Variants in ANO2 observed in about 807,000 individuals in gnomAD.
The protein encoded by ANO2 is anoctamin-2.
A neutral mutation model predicts 124.2 loss-of-function variants in ANO2; 101 were observed. The observed-to-expected ratio is 0.81, with a 90% confidence interval of 0.69 to 0.96. ANO2 has a LOEUF of 0.96. Ranked by LOEUF, ANO2 falls within the 40% of genes least tolerant of loss-of-function variation. ANO2 has a pLI of 0.00. For missense variants in ANO2, 1,293 were observed against 1,274.5 expected (o/e 1.01, Z -0.22); for synonymous variants, 486 against 482.5 (o/e 1.01, Z -0.09).
rs993595221 is a variant in ANO2, at chr12:5,769,055, C to A, written c.1056-18085G>T. Among the ~76,000 whole-genome samples the A allele has an allele frequency of 1.2e-4, 19 of 152,134 alleles. No homozygotes were observed. Among genetic ancestry groups the A allele is most frequent in the African/African-American group, 4.6e-4 (19 of 41,432 alleles). On this transcript the variant is annotated intron_variant, in intron 10 of 24. Coordinates refer to ENST00000682330, the MANE Select transcript of ANO2 (RefSeq NM_001364791.2). The surrounding 1 kb of genome is among the most constrained non-coding windows in gnomAD (Gnocchi z 4.0). The stretch of plus-strand genomic sequence containing the variant: ...TAGCTTATGTCCTGACAGCTGGAAA[C>A]AACACAGCAAATGGGATGAGAACTG...
At chr12:5,837,596 G>C (rs955352205) in intron 4 of ANO2, among the ~76,000 whole-genome samples, 1 of 150,636 alleles carries the variant, frequency 6.6e-6, no homozygotes, top group Non-Finnish European at 1.5e-5. Flanking sequence ...TTGTTCTTGC[G>C]ATAGTTTACT....
chr12:5,805,938 G>A, intron 9 of ANO2, 114 bp downstream of exon 9: 1 of 1,050,190 alleles, frequency 9.5e-7, no homozygotes, highest in Non-Finnish European at 1.4e-6. Flanking sequence ...TGGTAAAATT[G>A]TTGGAAAGTA....
At chr12:5,603,318 C>T (rs1236498161) in intron 19 of ANO2, among the ~76,000 whole-genome samples, 1 of 152,110 alleles carries the variant, frequency 6.6e-6, no homozygotes, top group Non-Finnish European at 1.5e-5. Context: ...ACCAATAAAA[C>T]AAGAGTGACC....
chr12:5,715,356 T>C (rs1453690065), intron 14 of ANO2, among the ~76,000 whole-genome samples: 1 of 152,198 alleles, frequency 6.6e-6, no homozygotes, highest in Non-Finnish European at 1.5e-5. Context: ...ACTGATAAAA[T>C]ACCTTCATTG....
intron 3 of ANO2, among the ~76,000 whole-genome samples, chr12:5,880,865 T>TA (rs1938444904): frequency 2.0e-5 from 3 of 147,110 alleles, no homozygotes; most frequent in Non-Finnish European, 3.0e-5. Context: ...GATAGATGGA[T>TA]GAGTGGATGG....
intron 1 of ANO2, 33 bp downstream of exon 1, chr12:5,945,163 G>T: frequency 7.8e-7 from 1 of 1,288,110 alleles, no homozygotes; most frequent in Non-Finnish European, 1.0e-6. Context: ...CCACCTGTAG[G>T]AGACCAGGAC....
intron 11 of ANO2, among the ~76,000 whole-genome samples, chr12:5,745,394 G>C (rs1951236481): frequency 6.6e-6 from 1 of 152,216 alleles, no homozygotes. Flanking sequence ...AGACAATGAT[G>C]GGGAGGCAGG....
chr12:5,796,173 A>G (rs1270494622), intron 10 of ANO2, among the ~76,000 whole-genome samples: 2 of 151,436 alleles, frequency 1.3e-5, no homozygotes, highest in Non-Finnish European at 2.9e-5. Context: ...TCATTCATAC[A>G]CACTCATGCA....
chr12:5,578,550 A>G, intron 20 of ANO2, 32 bp from the exon 21 acceptor site: 1 of 1,597,292 alleles, frequency 6.3e-7, no homozygotes, highest in East Asian at 2.3e-5. Context: ...GGGCTTCAGC[A>G]GGAACAAGCA....
chr12:5,612,634 G>A, intron 19 of ANO2, 22 bp downstream of exon 19: 1 of 1,606,210 alleles, frequency 6.2e-7, no homozygotes, highest in Non-Finnish European at 8.5e-7. Context: ...AAGGAGAGAG[G>A]TTAGAGGAGT....
intron 4 of ANO2, among the ~76,000 whole-genome samples, chr12:5,847,408 C>T (rs554173583): frequency 7.2e-4 from 109 of 151,752 alleles, no homozygotes; most frequent in African/African-American, 2.6e-3. Flanking sequence ...GACTTCCCAG[C>T]CACCATAATT....
chr12:5,852,077 G>C, intron 4 of ANO2: 1 of 688,668 alleles, frequency 1.5e-6, no homozygotes, highest in Non-Finnish European at 2.7e-6. Flanking sequence ...ATATATTGGA[G>C]TTAGAAGGAA....
chr12:5,830,362 A>G, intron 6 of ANO2, 73 bp downstream of exon 6: 1 of 1,480,504 alleles, frequency 6.8e-7, no homozygotes, highest in South Asian at 1.2e-5. Flanking sequence ...GGAGGGTAAG[A>G]GAATGCCCTG....
At chr12:5,598,973 G>A (rs1348491726) in intron 20 of ANO2, among the ~76,000 whole-genome samples, 2 of 144,164 alleles carry the variant, frequency 1.4e-5, no homozygotes, top group Non-Finnish European at 3.1e-5. Context: ...CCCAACTTTT[G>A]TTAAAAAGCT....
intron 14 of ANO2, among the ~76,000 whole-genome samples, chr12:5,691,211 C>T (rs1948922595): frequency 6.6e-6 from 1 of 151,302 alleles, no homozygotes; most frequent in South Asian, 2.1e-4. Flanking sequence ...GCTTGTAATC[C>T]CAGCTACTCA....
intron 14 of ANO2, among the ~76,000 whole-genome samples, chr12:5,726,645 C>A (rs1950453324): frequency 6.6e-6 from 1 of 152,134 alleles, no homozygotes; most frequent in Admixed American, 6.5e-5. Context: ...GAAATAATAC[C>A]TGTAAAGCTT....
intron 20 of ANO2, among the ~76,000 whole-genome samples, chr12:5,597,347 G>A (rs1383271974): frequency 6.6e-6 from 1 of 152,050 alleles, no homozygotes; most frequent in Non-Finnish European, 1.5e-5. Context: ...AAAACATCCA[G>A]TATTTGGTTT....
At chr12:5,723,323 C>G (rs1220686037) in intron 14 of ANO2, among the ~76,000 whole-genome samples, 1 of 152,204 alleles carries the variant, frequency 6.6e-6, no homozygotes, top group Non-Finnish European at 1.5e-5. Context: ...TAGGCAAGGA[C>G]TGTATTTCCC....
chr12:5,888,125 G>A (rs1463510365), intron 3 of ANO2, among the ~76,000 whole-genome samples: 6 of 151,740 alleles, frequency 4.0e-5, no homozygotes, highest in East Asian at 3.9e-4. Flanking sequence ...GGATGTGTTC[G>A]GAGTTTCTTC....
Sources: allele counts gnomAD v4.1 joint callset (sites outside exome capture counted in the v4.1 genomes callset), GRCh38; gene constraint gnomAD v4.1.1; non-coding constraint Gnocchi (gnomAD v3.1); transcripts MANE v1.5; gene names NCBI Gene and HGNC (gene_info 2026-07-23, HGNC 2026-07-21).